MED15: variants seen among roughly 807,000 people sequenced by gnomAD.
The protein encoded by MED15 is mediator of RNA polymerase II transcription subunit 15.
In MED15, 41 loss-of-function variants were observed where a neutral mutation model predicts 118.7. The ratio of observed to expected loss-of-function variants is 0.35; its 90% CI spans 0.27 to 0.45. MED15 has a LOEUF of 0.45. MED15 is among the 20% of genes least tolerant of loss of function. MED15 has a pLI of 1.00. For synonymous variants in MED15, 436 were observed against 413.9 expected, an observed-to-expected ratio of 1.05 and a Z score of -0.65; for missense variants, 740 against 1,025.5, an observed-to-expected ratio of 0.72 and a Z score of 3.80.
At chr22:20,517,151 T>G (rs2054283355) in intron 1 of MED15, among the ~76,000 whole-genome samples, 1 of 152,018 alleles carries the variant, frequency 6.6e-6, no homozygotes, top group Non-Finnish European at 1.5e-5. Flanking sequence ...TTGCCCAGGC[T>G]GGTCTTGAAC....
At position 20,537,220 on chromosome 22, in the gene MED15, G is replaced by C. The variant is rs374552341; in HGVS notation, c.156+16G>C. The C allele has an allele frequency of 3.7e-6, 6 of 1,606,646 alleles. No homozygotes were observed. Among genetic ancestry groups the C allele is most frequent in the Non-Finnish European group, 5.1e-6 (6 of 1,173,704 alleles). ...CAAGACCCGGGTAAGGCCCTAGTAA[G>C]TGGAGCCACTCTGGCAGAGAGACTT... is the stretch of plus-strand genomic sequence containing the variant. On this transcript the variant is annotated intron_variant, in intron 2 of 17. Coordinates refer to ENST00000263205, the MANE Select transcript of MED15 (RefSeq NM_001003891.3).
intron 9 of MED15, chr22:20,582,160 G>C (rs1002146222): frequency 8.9e-6 from 2 of 223,770 alleles, no homozygotes; most frequent in African/African-American, 4.7e-5. Flanking sequence ...GTCAGCCTGG[G>C]GGCTGCGGGG....
chr22:20,519,517 T>C lies in MED15; in HGVS notation c.68+11771T>C, dbSNP rs116790146. Among the ~76,000 whole-genome samples, 966 of 151,668 alleles carry C rather than the reference T, an allele frequency of 6.4e-3. 11 individuals carry two copies. Among genetic ancestry groups the C allele is most frequent in the African/African-American group, 0.022 (914 of 41,248 alleles). On this transcript the variant is annotated intron_variant, in intron 1 of 17. Coordinates refer to ENST00000263205, the MANE Select transcript of MED15 (RefSeq NM_001003891.3). The stretch of plus-strand genomic sequence containing the variant: ...GTGGCCTGACCTCGGCTCACTGGCC[T>C]GACCTTGGCTCACTGCAACCTCCGC...
chr22:20,536,261 C>A lies in MED15; in HGVS notation c.69-856C>A, dbSNP rs535804931. Among the ~76,000 whole-genome samples, 421 of 151,802 alleles carry A rather than the reference C, an allele frequency of 2.8e-3. 3 individuals are homozygous for A. The highest frequency in any genetic ancestry group is 6.8e-3 in the Middle Eastern group (2 of 292). On this transcript the variant is annotated intron_variant, in intron 1 of 17. Transcript: ENST00000263205. Reference sequence around the variant, plus strand: ...CTGGCAAGAAGGCAGGCAGTGAGCACACCAGAGCAGTCCACCCCTGGGAGC... The same window carrying A: ...CTGGCAAGAAGGCAGGCAGTGAGCAAACCAGAGCAGTCCACCCCTGGGAGC...
intron 1 of MED15, among the ~76,000 whole-genome samples, chr22:20,519,648 C>A (rs1025603696): frequency 6.6e-6 from 1 of 152,062 alleles, no homozygotes; most frequent in African/African-American, 2.4e-5. Context: ...AGAGATGGGG[C>A]TTCACCATAT....
chr22:20,540,566 T>A lies in MED15; in HGVS notation c.156+3362T>A, dbSNP rs2055256451. The stretch of plus-strand genomic sequence containing the variant: ...TCCAGCCTGGGTGACAGAGTGAGAC[T>A]CTGTCTCTAAAAAACTTTTTAAAAA... On this transcript the variant is annotated intron_variant, in intron 2 of 17. Transcript: ENST00000263205. Among the ~76,000 whole-genome samples, 3 of 152,058 alleles carry A rather than the reference T, an allele frequency of 2.0e-5. No individual in the cohort carries two copies. In the South Asian group the frequency reaches 6.2e-4, roughly 31 times the overall value.
chr22:20,539,229 G>A (rs1387303738), intron 2 of MED15, among the ~76,000 whole-genome samples: 1 of 152,080 alleles, frequency 6.6e-6, no homozygotes. Flanking sequence ...CTCCTTAGTA[G>A]CTGGGATTAC....
intron 1 of MED15, among the ~76,000 whole-genome samples, chr22:20,510,347 C>A (rs2054021008): frequency 6.6e-6 from 1 of 152,214 alleles, no homozygotes; most frequent in East Asian, 1.9e-4. Flanking sequence ...GATCGCACCA[C>A]TGCTATCCCG....
Position 20,564,525 on chromosome 22 carries a change from C to CGCTACA in MED15, c.530_535dup (p.Leu177_Gln178dup). The CGCTACA allele has an allele frequency of 6.3e-7, 1 of 1,599,326 alleles. No individual in the cohort carries two copies. Among genetic ancestry groups the CGCTACA allele is most frequent in the Non-Finnish European group, 8.6e-7 (1 of 1,168,076 alleles). On this transcript the variant is annotated inframe_insertion, in exon 6 of 18. Transcript: ENST00000263205. ...CAGTTCCAGCAGCAGCAGCAGGCGGCGCTACAGCAGCAGCAGCAGCAGCAG... is the reference window on the plus strand; with the variant it reads ...CAGTTCCAGCAGCAGCAGCAGGCGGCGCTACAGCTACAGCAGCAGCAGCAGCAGCAG...
intron 1 of MED15, among the ~76,000 whole-genome samples, chr22:20,531,049 C>T (rs1270604230): frequency 6.6e-6 from 1 of 152,194 alleles, no homozygotes; most frequent in Non-Finnish European, 1.5e-5. Context: ...GAGGTCGGCA[C>T]TGTCCCCACC....
At chr22:20,564,174 C>T (rs1408472400) in intron 5 of MED15, among the ~76,000 whole-genome samples, 1 of 152,204 alleles carries the variant, frequency 6.6e-6, no homozygotes, top group East Asian at 1.9e-4. Context: ...TTACTGATTG[C>T]CAGAGTCTAG....
intron 1 of MED15, among the ~76,000 whole-genome samples, chr22:20,529,988 T>C (rs2054796711): frequency 6.6e-6 from 1 of 152,132 alleles, no homozygotes; most frequent in African/African-American, 2.4e-5. Flanking sequence ...CCTCCCAGAG[T>C]GCTGGGATTA....
chr22:20,560,093 C>T (rs940768859), intron 5 of MED15, among the ~76,000 whole-genome samples: 1 of 152,128 alleles, frequency 6.6e-6, no homozygotes, highest in East Asian at 1.9e-4. Flanking sequence ...AACCATCTTA[C>T]AAATACAGGT....
intron 3 of MED15, chr22:20,552,435 C>T (rs994979697): frequency 3.0e-6 from 1 of 337,264 alleles, no homozygotes; most frequent in African/African-American, 2.2e-5. Flanking sequence ...ACTGATCTCA[C>T]TCTCTGTGGT....
chr22:20,535,801 T>C (rs1038143746), intron 1 of MED15, among the ~76,000 whole-genome samples: 20 of 151,768 alleles, frequency 1.3e-4, no homozygotes, highest in East Asian at 3.9e-4. Flanking sequence ...CCTCGTGATC[T>C]GCCCGCCTTG....
chr22:20,519,489 G>A (rs565920179), intron 1 of MED15, among the ~76,000 whole-genome samples: 172 of 150,340 alleles, frequency 1.1e-3, no homozygotes, highest in Non-Finnish European at 2.0e-3. Context: ...AGGCTGGAGT[G>A]CAGTGGCCTG....
chr22:20,566,529 G>A lies in MED15; in HGVS notation c.753G>A (p.Gln251=), dbSNP rs2056447598. Residue 251 remains glutamine (Q), a synonymous_variant, in exon 7 of 18, where the codon CAG becomes CAA. Coordinates refer to ENST00000263205, the MANE Select transcript of MED15 (RefSeq NM_001003891.3). ...AGCTGCAGCTCCAACAACAGCAACA[G>A]CAGCAGCAGCAGCAGCAGCAGCAGC... The part of the protein sequence containing the change: ...IAQLQLQQQQ[Q]QQQQQQQQQQ... 1.5e-6 allele frequency: 1 copy of A among 675,316 alleles called. No individual in the cohort carries two copies. Among genetic ancestry groups the A allele is most frequent in the Non-Finnish European group, 2.0e-6 (1 of 490,716 alleles). The allele number at this position is 675,316 out of a possible 1,614,324, so 41.8% of individuals were successfully genotyped here. A position where few individuals can be genotyped will look rare whatever the true frequency, so the allele number is the denominator to read the frequency against.
chr22:20,508,038 C>G (rs1183969467), intron 1 of MED15: 5 of 1,385,652 alleles, frequency 3.6e-6, no homozygotes, highest in Non-Finnish European at 4.7e-6. Context: ...AGACTTTCCC[C>G]CGCTTTTTGA....
chr22:20,507,791 CCT>C, intron 1 of MED15, 45 bp downstream of exon 1: 1 of 1,612,334 alleles, frequency 6.2e-7, no homozygotes, highest in South Asian at 1.1e-5. Context: ...GGACCTTCCT[CCT>C]TAGCGTGGCG....
Sources: gnomAD v4.1 joint callset for allele counts (sites outside exome capture counted in the v4.1 genomes callset) on GRCh38, gnomAD v4.1.1 for gene constraint, MANE v1.5 for transcripts, NCBI Gene and HGNC (gene_info 2026-07-23, HGNC 2026-07-21) for gene names.